CYTH3: variants seen among roughly 807,000 people sequenced by gnomAD.
The protein encoded by CYTH3 is cytohesin 3.
Under a neutral mutation model 55.1 loss-of-function variants are expected in CYTH3, and 23 were observed. That is an observed-to-expected ratio of 0.42 (90% confidence interval 0.30 to 0.59). CYTH3 has a LOEUF of 0.59. CYTH3 is among the 20% of genes least tolerant of loss of function. The pLI is 0.20. For missense variants in CYTH3, 413 were observed against 524.8 expected (o/e 0.79, Z 2.08); for synonymous variants, 249 against 194.9 (o/e 1.28, Z -2.31).
chr7:6,203,369 G>C (rs928666313), intron 1 of CYTH3, among the ~76,000 whole-genome samples: 7 of 151,974 alleles, frequency 4.6e-5, no homozygotes, highest in African/African-American at 1.7e-4. Context: ...ACTATTGCTA[G>C]AGGCAAAACT....
chr7:6,249,894 C>T (rs1040353852), intron 1 of CYTH3, among the ~76,000 whole-genome samples: 1 of 152,180 alleles, frequency 6.6e-6, no homozygotes, highest in African/African-American at 2.4e-5. Context: ...AATCACTCTG[C>T]AAATTTCAAG....
At chr7:6,182,204 T>A (rs986355327) in intron 4 of CYTH3, among the ~76,000 whole-genome samples, 1 of 152,084 alleles carries the variant, frequency 6.6e-6, no homozygotes, top group Non-Finnish European at 1.5e-5. Context: ...CCTGCTACCA[T>A]ACCCAGCTAA....
chr7:6,221,208 G>T (rs900562729), intron 1 of CYTH3, among the ~76,000 whole-genome samples: 1 of 152,184 alleles, frequency 6.6e-6, no homozygotes, highest in African/African-American at 2.4e-5. Flanking sequence ...CCATACCATG[G>T]AATATTATCT....
intron 4 of CYTH3, among the ~76,000 whole-genome samples, chr7:6,184,662 C>G (rs1377626864): frequency 6.6e-6 from 1 of 151,826 alleles, no homozygotes; most frequent in African/African-American, 2.4e-5. Context: ...CTCACTGCAA[C>G]CTGACTCCCA....
intron 1 of CYTH3, among the ~76,000 whole-genome samples, chr7:6,212,377 CT>C (rs1420545454): frequency 6.6e-6 from 1 of 152,164 alleles, no homozygotes; most frequent in African/African-American, 2.4e-5. Context: ...ATCTCTAGAA[CT>C]TTTTCATCTT....
chr7:6,197,364 T>C (rs903319786), intron 1 of CYTH3, among the ~76,000 whole-genome samples: 10 of 152,202 alleles, frequency 6.6e-5, no homozygotes, highest in Admixed American at 5.2e-4. Flanking sequence ...TGCTATTATG[T>C]CTATACTTCG....
chr7:6,261,241 A>T (rs1780343587), intron 1 of CYTH3, among the ~76,000 whole-genome samples: 2 of 152,272 alleles, frequency 1.3e-5, no homozygotes, highest in South Asian at 4.1e-4. Context: ...AGTGACTGAG[A>T]ATCCAAGAAG....
intron 1 of CYTH3, among the ~76,000 whole-genome samples, chr7:6,232,492 G>C (rs931410727): frequency 1.3e-5 from 2 of 152,196 alleles, no homozygotes; most frequent in Admixed American, 1.3e-4. Flanking sequence ...AGAAGCAAAA[G>C]AGCCAGGTCC....
intron 4 of CYTH3, among the ~76,000 whole-genome samples, chr7:6,186,079 CT>C (rs757964044): frequency 1.1e-4 from 17 of 151,524 alleles, no homozygotes; most frequent in Non-Finnish European, 2.2e-4. Context: ...CCCATCTCTA[CT>C]AAAAATACAA....
At position 6,272,500 on chromosome 7, in the gene CYTH3, T is replaced by G. The variant is rs1780693632; in HGVS notation, c.8A>C (p.Glu3Ala). 1 of 1,330,504 alleles carries G rather than the reference T, an allele frequency of 7.5e-7. No individual in the cohort carries two copies. Among genetic ancestry groups the G allele is most frequent in the African/African-American group, 1.6e-5 (1 of 64,382 alleles). The allele number at this position is 1,330,504 out of a possible 1,614,324, so 82.4% of individuals were successfully genotyped here. A position where few individuals can be genotyped will look rare whatever the true frequency, so the allele number is the denominator to read the frequency against. MD[E>A]DGGGEGGGVP... ...GCCACCACCCTCGCCGCCGCCGTCT[T>G]CATCCATCTTGAGGCCACTCCCGCA... is the stretch of plus-strand genomic sequence containing the variant. Residue 3 changes from glutamate (E) to alanine (A), a missense_variant, in exon 1 of 13, where the codon GAA becomes GCA. Glu to Ala is a moderately radical substitution (Grantham distance 107). Around this residue, in one of 4 missense-constraint regions of CYTH3, gnomAD observed 152 missense variants for 148.1 expected, o/e 1.03. Coordinates refer to ENST00000350796, the MANE Select transcript of CYTH3 (RefSeq NM_004227.4).
intron 1 of CYTH3, among the ~76,000 whole-genome samples, chr7:6,238,362 A>C (rs931511044): frequency 1.3e-5 from 2 of 152,210 alleles, no homozygotes; most frequent in African/African-American, 4.8e-5. Flanking sequence ...CCTCCTCTAA[A>C]AAGAACAAAA....
chr7:6,271,937 T>C (rs1458016497), intron 1 of CYTH3, among the ~76,000 whole-genome samples: 1 of 151,958 alleles, frequency 6.6e-6, no homozygotes, highest in Non-Finnish European at 1.5e-5. Context: ...AGCGACCGTT[T>C]CTGACCCAAA....
intron 1 of CYTH3, among the ~76,000 whole-genome samples, chr7:6,218,505 G>C (rs770726096): frequency 4.6e-5 from 7 of 152,198 alleles, no homozygotes; most frequent in Admixed American, 1.3e-4. Flanking sequence ...AAGAATAAAT[G>C]TGTGCTATTT....
At chr7:6,250,513 G>A (rs958797458) in intron 1 of CYTH3, among the ~76,000 whole-genome samples, 23 of 152,180 alleles carry the variant, frequency 1.5e-4, no homozygotes, top group Non-Finnish European at 2.6e-4. Flanking sequence ...CACTGACACT[G>A]AATCGAGCTG....
chr7:6,168,247 T>C (rs1255323843), intron 9 of CYTH3, among the ~76,000 whole-genome samples: 2 of 149,162 alleles, frequency 1.3e-5, no homozygotes, highest in African/African-American at 5.0e-5. Context: ...TTTCTGGTGA[T>C]TGATTCAAGA....
rs370170994 is a variant in CYTH3 at position 6,165,256 on chromosome 7, C to T, written c.1127+17G>A. ...ACGAGAAGACGGGCCTGGCCCCGCCCCCGAGGCCCCACTCACTTGATGGAT... is the reference window on the plus strand; with the variant it reads ...ACGAGAAGACGGGCCTGGCCCCGCCTCCGAGGCCCCACTCACTTGATGGAT... On this transcript the variant is annotated intron_variant, in intron 12 of 12. Transcript: ENST00000350796. 4.4e-6 allele frequency: 7 copies of T among 1,602,258 alleles called. No individual in the cohort carries two copies. Among genetic ancestry groups the T allele is most frequent in the Non-Finnish European group, 5.1e-6 (6 of 1,174,028 alleles).
intron 3 of CYTH3, 37 bp downstream of exon 3, chr7:6,187,620 G>C (rs748812146): frequency 6.4e-7 from 1 of 1,566,734 alleles, no homozygotes; most frequent in Non-Finnish European, 8.8e-7. Flanking sequence ...AGAAAGAAAA[G>C]AGTAAATAGC....
At chr7:6,213,568 G>A (rs913509511) in intron 1 of CYTH3, among the ~76,000 whole-genome samples, 2 of 151,866 alleles carry the variant, frequency 1.3e-5, no homozygotes, top group Non-Finnish European at 1.5e-5. Flanking sequence ...TTGTTTTGCC[G>A]TTGTCTTTAA....
chr7:6,259,777 TATATATAATATATATA>T (rs1780263257), intron 1 of CYTH3, among the ~76,000 whole-genome samples: 1 of 19,960 alleles, frequency 5.0e-5, no homozygotes, highest in Non-Finnish European at 6.5e-5. Flanking sequence ...ATATATTATA[TATATATAATATATATA>T]TATATATATA....
Sources: allele counts gnomAD v4.1 joint callset (sites outside exome capture counted in the v4.1 genomes callset), GRCh38; gene constraint gnomAD v4.1.1; regional missense constraint gnomAD v4.1.1; transcripts MANE v1.5; gene names NCBI Gene and HGNC (gene_info 2026-07-23, HGNC 2026-07-21).